The following CYB5R4 variants were observed in gnomAD, a reference collection of about 807,000 sequenced individuals.
CYB5R4 encodes N-terminal cytochrome b5 and cytochrome b5 oxidoreductase domain-containing protein.
CYB5R4 carries 55 observed loss-of-function variants against 70.2 expected under a neutral mutation model. The observed-to-expected ratio is 0.78, with a 90% CI of 0.63 to 0.98. The LOEUF (loss-of-function observed/expected upper bound fraction) is 0.98. Among genes scored for constraint, CYB5R4 ranks in the 50% least tolerant of loss-of-function variants. The pLI is 0.00. For synonymous variants in CYB5R4, 197 were observed against 199.5 expected, an observed-to-expected ratio of 0.99 and a Z score of 0.11; for missense variants, 562 against 612.6, an observed-to-expected ratio of 0.92 and a Z score of 0.87.
intron 2 of CYB5R4, among the ~76,000 whole-genome samples, chr6:83,890,622 A>G (rs927983435): frequency 6.6e-6 from 1 of 152,220 alleles, no homozygotes; most frequent in Non-Finnish European, 1.5e-5. Context: ...AAGCAGTTCT[A>G]CTGTGAGTAA....
chr6:83,871,040 G>C (rs918371332), intron 2 of CYB5R4, among the ~76,000 whole-genome samples: 2 of 134,036 alleles, frequency 1.5e-5, no homozygotes, highest in Non-Finnish European at 3.0e-5. Flanking sequence ...GCAATGGCAC[G>C]ATCTCGGCTC....
Position 83,963,328 on chromosome 6 carries a change from T to C in CYB5R4, c.*3450T>C, listed in dbSNP as rs755100647. ...TGACACCCACCCCAAAAGAGTCAAC[T>C]TCATTATGCTGGCAAAGGCATGGGT... On this transcript the variant is annotated 3_prime_UTR_variant, in exon 16 of 16. Transcript: ENST00000369681. 1 of 152,194 alleles carries C rather than the reference T, an allele frequency of 6.6e-6. No homozygotes were observed. Among genetic ancestry groups the C allele is most frequent in the Non-Finnish European group, 1.5e-5 (1 of 68,070 alleles). The allele number at this position is 152,194 out of a possible 1,614,324, so 9.4% of individuals were successfully genotyped here.
intron 10 of CYB5R4, among the ~76,000 whole-genome samples, chr6:83,928,344 A>G (rs1032823237): frequency 6.6e-6 from 1 of 152,216 alleles, no homozygotes; most frequent in Non-Finnish European, 1.5e-5. Context: ...ATACTTTTAT[A>G]AGGAAACAGG....
In CYB5R4 at chr6:83,959,860, C is replaced by G; in HGVS notation, c.1548C>G (p.Ile516Met). ...ATCTCAACTTTTCCAAAAATGAGATCCATAGTTTTACAGCATAATGAAGAG... is the reference window on the plus strand; with the variant it reads ...ATCTCAACTTTTCCAAAAATGAGATGCATAGTTTTACAGCATAATGAAGAG... ...LHDLNFSKNE[I>M]HSFTA The change falls in exon 16 of 16, where the codon ATC becomes ATG. Residue 516 changes from isoleucine (I) to methionine (M), a missense_variant. Coordinates refer to ENST00000369681, the MANE Select transcript of CYB5R4 (RefSeq NM_016230.4). The G allele has an allele frequency of 6.3e-7, 1 of 1,599,604 alleles. No individual in the cohort carries two copies. The highest frequency in any genetic ancestry group is 2.3e-5 in the East Asian group (1 of 44,356).
At chr6:83,936,508 T>G in intron 12 of CYB5R4, 132 bp downstream of exon 12, 1 of 750,214 alleles carries the variant, frequency 1.3e-6, no homozygotes, top group Non-Finnish European at 2.2e-6. Flanking sequence ...TATCTTCTCC[T>G]TGTCCTACAC....
intron 3 of CYB5R4, among the ~76,000 whole-genome samples, chr6:83,901,943 A>T (rs115681402): frequency 0.028 from 4,182 of 151,990 alleles, 169 homozygotes; most frequent in African/African-American, 0.095. Flanking sequence ...AGATAAATAG[A>T]GTGCAGATAT....
intron 2 of CYB5R4, among the ~76,000 whole-genome samples, chr6:83,865,016 C>A (rs1331985138): frequency 6.6e-6 from 1 of 152,016 alleles, no homozygotes; most frequent in Non-Finnish European, 1.5e-5. Flanking sequence ...ACTGTGTTTA[C>A]CATCTGTTTA....
At chr6:83,920,480 A>G (rs1316168981) in intron 7 of CYB5R4, among the ~76,000 whole-genome samples, 3 of 152,158 alleles carry the variant, frequency 2.0e-5, no homozygotes, top group Admixed American at 6.5e-5. Flanking sequence ...GGTAATATCA[A>G]TGGAACACAG....
At chr6:83,886,576 T>C (rs1448702228) in intron 2 of CYB5R4, among the ~76,000 whole-genome samples, 1 of 152,206 alleles carries the variant, frequency 6.6e-6, no homozygotes, top group East Asian at 1.9e-4. Context: ...GTCCAGAATA[T>C]GCAAATCTAT....
intron 2 of CYB5R4, among the ~76,000 whole-genome samples, chr6:83,881,760 T>C (rs190153640): frequency 2.8e-4 from 43 of 152,330 alleles, no homozygotes; most frequent in African/African-American, 1.0e-3. Context: ...TTACAGCCAT[T>C]TTAGAAAGTT....
At chr6:83,943,147 A>G (rs935457470) in intron 14 of CYB5R4, among the ~76,000 whole-genome samples, 4 of 152,128 alleles carry the variant, frequency 2.6e-5, no homozygotes, top group African/African-American at 7.2e-5. Flanking sequence ...TGGGTCCCTG[A>G]CACCTGAGCC....
At position 83,904,641 on chromosome 6, in the gene CYB5R4, A is replaced by G. The variant is rs180797371; in HGVS notation, c.331-4368A>G. On this transcript the variant is annotated intron_variant, in intron 3 of 15. Coordinates refer to ENST00000369681, the MANE Select transcript of CYB5R4 (RefSeq NM_016230.4). ...GAATGGGATTTTGAACTCCCCCACT[A>G]TTATTGTATTGGAGTTTCTCTCTCT... Among the ~76,000 whole-genome samples the G allele has an allele frequency of 2.1e-4, 32 of 152,230 alleles. No homozygotes were observed. In the East Asian group the frequency reaches 5.8e-3, roughly 28 times the overall value.
At chr6:83,876,090 G>C (rs369221940) in intron 2 of CYB5R4, among the ~76,000 whole-genome samples, 1 of 152,204 alleles carries the variant, frequency 6.6e-6, no homozygotes, top group African/African-American at 2.4e-5. Flanking sequence ...CATATTGTTG[G>C]CTCCTGGAGT....
intron 14 of CYB5R4, among the ~76,000 whole-genome samples, chr6:83,950,239 G>T (rs2099471310): frequency 6.6e-6 from 1 of 152,072 alleles, no homozygotes. Flanking sequence ...TATTAAACTT[G>T]ACTGTTCTAG....
intron 2 of CYB5R4, among the ~76,000 whole-genome samples, chr6:83,889,558 A>T (rs919470269): frequency 6.6e-6 from 1 of 152,198 alleles, no homozygotes; most frequent in African/African-American, 2.4e-5. Flanking sequence ...ACTGCTCTTT[A>T]AAAAAGTTTC....
Position 83,961,441 on chromosome 6 carries a change from GA to G in CYB5R4, c.*1564del, listed in dbSNP as rs2099473326. The G allele has an allele frequency of 6.6e-6, 1 of 151,936 alleles. No individual in the cohort carries two copies. Among genetic ancestry groups the G allele is most frequent in the Non-Finnish European group, 1.5e-5 (1 of 67,984 alleles). The allele number at this position is 151,936 out of a possible 1,614,324, so 9.4% of individuals were successfully genotyped here. A position where few individuals can be genotyped will look rare whatever the true frequency, so the allele number is the denominator to read the frequency against. On this transcript the variant is annotated 3_prime_UTR_variant, in exon 16 of 16. Transcript: ENST00000369681. Reference sequence around the variant, plus strand: ...TGGGAGGTGATTGGATCATGGGAGTGATTGCCCCCATGCTGTTCTCATGATG... The same window carrying G: ...TGGGAGGTGATTGGATCATGGGAGTGTTGCCCCCATGCTGTTCTCATGATG...
chr6:83,934,474 G>A, intron 10 of CYB5R4, 121 bp from the exon 11 acceptor site: 3 of 614,510 alleles, frequency 4.9e-6, no homozygotes, highest in Non-Finnish European at 8.2e-6. Flanking sequence ...AAATGTATAG[G>A]CATTTTAGTG....
chr6:83,921,082 G>A lies in CYB5R4; in HGVS notation c.565G>A (p.Asp189Asn), dbSNP rs767883523. Residue 189 changes from aspartate to asparagine, a missense_variant and splice_region_variant, in exon 8 of 16, where the codon GAT (aspartate) becomes AAT (asparagine). Transcript: ENST00000369681. ...VTIAIYTKQK[D>N]INLDSIIVDH... ...TTTCTATTTTTGCTTTCTCTTTAAG[G>A]ATATCAATTTAGACTCAATAATAGT... is the stretch of plus-strand genomic sequence containing the variant. 5.6e-5 allele frequency: 84 copies of A among 1,490,334 alleles called. No homozygotes were observed. Among genetic ancestry groups the A allele is most frequent in the Non-Finnish European group, 7.2e-5 (80 of 1,107,524 alleles). The allele number at this position is 1,490,334 out of a possible 1,614,324, so 92.3% of individuals were successfully genotyped here. A position where few individuals can be genotyped will look rare whatever the true frequency, so the allele number is the denominator to read the frequency against.
intron 2 of CYB5R4, among the ~76,000 whole-genome samples, chr6:83,868,606 G>A (rs2099457098): frequency 6.6e-6 from 1 of 152,114 alleles, no homozygotes; most frequent in African/African-American, 2.4e-5. Context: ...TCGGTTTGTA[G>A]GGGGATTACT....
Sources: gnomAD v4.1 joint callset for allele counts (sites outside exome capture counted in the v4.1 genomes callset) on GRCh38, gnomAD v4.1.1 for gene constraint, MANE v1.5 for transcripts, NCBI Gene and HGNC (gene_info 2026-07-23, HGNC 2026-07-21) for gene names.